The following FAM13A variants were observed in gnomAD, a reference collection of about 807,000 sequenced individuals.
FAM13A encodes protein FAM13A.
A neutral mutation model predicts 129.6 loss-of-function variants in FAM13A; 76 were observed. The ratio of observed to expected loss-of-function variants is 0.59; its 90% CI spans 0.49 to 0.71. The LOEUF is 0.71. FAM13A is among the 30% of genes least tolerant of loss of function. FAM13A has a pLI of 0.00. For synonymous variants in FAM13A, 443 were observed against 449.9 expected, an observed-to-expected ratio of 0.98 and a Z score of 0.20; for missense variants, 1,108 against 1,249.3, an observed-to-expected ratio of 0.89 and a Z score of 1.70.
chr4:88,807,043 C>G (rs1439822743), intron 7 of FAM13A, among the ~76,000 whole-genome samples: 3 of 152,232 alleles, frequency 2.0e-5, no homozygotes, highest in Non-Finnish European at 4.4e-5. Flanking sequence ...CTAGGAAAGG[C>G]CTCCATATTT....
At chr4:88,937,152 G>A (rs1436688044) in intron 5 of FAM13A, 1 of 152,096 alleles carries the variant, frequency 6.6e-6, no homozygotes, top group Non-Finnish European at 1.5e-5. Flanking sequence ...AGAAAATCTA[G>A]TTTTAGATCC....
chr4:89,021,530 G>A (rs555052574), intron 2 of FAM13A, among the ~76,000 whole-genome samples: 2 of 152,278 alleles, frequency 1.3e-5, no homozygotes, highest in South Asian at 2.1e-4. Flanking sequence ...GGTAGGCAGA[G>A]GACAATGTGG....
At chr4:88,894,462 A>G (rs1004647607) in intron 6 of FAM13A, among the ~76,000 whole-genome samples, 2 of 152,032 alleles carry the variant, frequency 1.3e-5, no homozygotes, top group African/African-American at 2.4e-5. Context: ...TATATTATGT[A>G]TAAGTATATA....
chr4:88,871,671 T>C (rs528873931), intron 6 of FAM13A, among the ~76,000 whole-genome samples: 1 of 152,316 alleles, frequency 6.6e-6, no homozygotes, highest in East Asian at 1.9e-4. Flanking sequence ...TACGTTTGAT[T>C]GGTGTATCTG....
At chr4:88,787,623 A>G (rs1050127300) in intron 10 of FAM13A, 130 bp downstream of exon 10, 10 of 795,332 alleles carry the variant, frequency 1.3e-5, no homozygotes, top group Non-Finnish European at 1.9e-5. Context: ...GATAACTCTT[A>G]AAGTTTTAAC....
intron 8 of FAM13A, among the ~76,000 whole-genome samples, chr4:88,800,490 G>C (rs1479368263): frequency 6.6e-6 from 1 of 151,970 alleles, no homozygotes; most frequent in Non-Finnish European, 1.5e-5. Flanking sequence ...TTTGAGACCA[G>C]CCTAGCCAAC....
chr4:88,905,158 T>C lies in FAM13A; in HGVS notation c.843+1221A>G, dbSNP rs1302666095. ...ATATGTAAGTATGTATGTGTGTATATATGTATGTATGTATGAACGAGATGG... is the reference window on the plus strand; with the variant it reads ...ATATGTAAGTATGTATGTGTGTATACATGTATGTATGTATGAACGAGATGG... On this transcript the variant is annotated intron_variant, in intron 6 of 23. Coordinates refer to ENST00000264344, the MANE Select transcript of FAM13A (RefSeq NM_014883.4). Among the ~76,000 whole-genome samples the C allele has an allele frequency of 3.3e-5, 5 of 152,158 alleles. No individual in the cohort carries two copies. The East Asian group carries it at 5.8e-4, about 18-fold the overall frequency.
At chr4:88,881,894 T>G (rs1204544389) in intron 6 of FAM13A, among the ~76,000 whole-genome samples, 1 of 151,896 alleles carries the variant, frequency 6.6e-6, no homozygotes, top group Non-Finnish European at 1.5e-5. Flanking sequence ...GAGGTCAAAG[T>G]AAAGGCTTTC....
intron 14 of FAM13A, among the ~76,000 whole-genome samples, chr4:88,756,492 G>A (rs1002151764): frequency 8.5e-5 from 13 of 152,204 alleles, no homozygotes; most frequent in Non-Finnish European, 1.9e-4. Context: ...GAGAGTAGGA[G>A]CTATGGTATG....
intron 7 of FAM13A, among the ~76,000 whole-genome samples, chr4:88,812,817 T>A (rs1729928733): frequency 6.6e-6 from 1 of 152,226 alleles, no homozygotes; most frequent in Admixed American, 6.5e-5. Context: ...GGCTCTTGAA[T>A]AAAATCACTA....
intron 7 of FAM13A, among the ~76,000 whole-genome samples, chr4:88,814,372 G>C (rs1469979335): frequency 6.6e-6 from 1 of 152,110 alleles, no homozygotes; most frequent in Non-Finnish European, 1.5e-5. Context: ...TAATGCACAG[G>C]AGGAGAACTA....
At chr4:88,892,215 T>C (rs1415140894) in intron 6 of FAM13A, among the ~76,000 whole-genome samples, 2 of 139,198 alleles carry the variant, frequency 1.4e-5, no homozygotes, top group African/African-American at 5.4e-5. Flanking sequence ...AGTCTGGCTC[T>C]GTCACCCAGG....
chr4:88,827,904 T>G (rs771071514), intron 7 of FAM13A, among the ~76,000 whole-genome samples: 1 of 152,174 alleles, frequency 6.6e-6, no homozygotes, highest in South Asian at 2.1e-4. Flanking sequence ...ATGTGATGAT[T>G]AGAACATTCC....
At chr4:88,983,760 T>C (rs1761919114) in intron 4 of FAM13A, among the ~76,000 whole-genome samples, 1 of 152,144 alleles carries the variant, frequency 6.6e-6, no homozygotes, top group Non-Finnish European at 1.5e-5. Context: ...GAACATCCTA[T>C]CAAAATATTG....
chr4:88,897,326 G>A (rs1746523524), intron 6 of FAM13A, among the ~76,000 whole-genome samples: 1 of 152,152 alleles, frequency 6.6e-6, no homozygotes, highest in Non-Finnish European at 1.5e-5. Context: ...AGCAGGGCTG[G>A]GAATCATTAC....
intron 11 of FAM13A, among the ~76,000 whole-genome samples, chr4:88,774,188 G>C (rs1721234214): frequency 6.6e-6 from 1 of 152,076 alleles, no homozygotes; most frequent in Non-Finnish European, 1.5e-5. Flanking sequence ...TTTTCAGTGA[G>C]GCCTGACTTG....
chr4:88,757,001 A>G (rs1743783124), intron 14 of FAM13A, among the ~76,000 whole-genome samples: 1 of 152,212 alleles, frequency 6.6e-6, no homozygotes, highest in South Asian at 2.1e-4. Context: ...TACACAATCC[A>G]CTTTCCCAAG....
intron 5 of FAM13A, among the ~76,000 whole-genome samples, chr4:88,914,669 C>T (rs899420331): frequency 6.6e-6 from 1 of 152,236 alleles, no homozygotes; most frequent in Admixed American, 6.5e-5. Flanking sequence ...TAACAGGCTT[C>T]ATCTTCAACC....
At chr4:88,885,205 C>G (rs1744210056) in intron 6 of FAM13A, among the ~76,000 whole-genome samples, 1 of 151,950 alleles carries the variant, frequency 6.6e-6, no homozygotes. Context: ...AATGGCCAAT[C>G]CAAAACTAAG....
Sources: allele counts gnomAD v4.1 joint callset (sites outside exome capture counted in the v4.1 genomes callset), GRCh38; gene constraint gnomAD v4.1.1; transcripts MANE v1.5; gene names NCBI Gene and HGNC (gene_info 2026-07-23, HGNC 2026-07-21).